MARCHF6: variants seen among roughly 807,000 people sequenced by gnomAD.
MARCHF6 encodes membrane associated ring-CH-type finger 6.
In MARCHF6, 31 loss-of-function variants were observed where a neutral mutation model predicts 133.7. The observed-to-expected ratio is 0.23, with a 90% confidence interval of 0.17 to 0.31. MARCHF6 has a LOEUF of 0.31. Among genes scored for constraint, MARCHF6 ranks in the 10% least tolerant of loss-of-function variants. MARCHF6 has a pLI of 1.00. For missense variants in MARCHF6, 723 were observed against 1,121.6 expected, an observed-to-expected ratio of 0.64 and a Z score of 5.08; for synonymous variants, 395 against 402.5, an observed-to-expected ratio of 0.98 and a Z score of 0.22.
chr5:10,408,702 C>T (rs1310437991), intron 17 of MARCHF6, among the ~76,000 whole-genome samples: 1 of 152,144 alleles, frequency 6.6e-6, no homozygotes, highest in East Asian at 1.9e-4. Flanking sequence ...CCACACCTGC[C>T]TAATTTTTGT....
intron 1 of MARCHF6, among the ~76,000 whole-genome samples, chr5:10,362,073 T>G (rs184759759): frequency 4.0e-4 from 61 of 152,276 alleles, no homozygotes; most frequent in African/African-American, 1.4e-3. Context: ...GTAATACACT[T>G]TTTACTTTCC....
intron 24 of MARCHF6, among the ~76,000 whole-genome samples, chr5:10,429,369 A>C (rs1186598165): frequency 6.6e-6 from 1 of 151,044 alleles, no homozygotes; most frequent in African/African-American, 2.4e-5. Flanking sequence ...TGCTTGTGGA[A>C]CATGAGAAGT....
intron 7 of MARCHF6, 105 bp downstream of exon 7, chr5:10,391,836 CTATTTCTAACT>C (rs1386965012): frequency 8.8e-7 from 1 of 1,140,780 alleles, no homozygotes; most frequent in Non-Finnish European, 1.1e-6. Flanking sequence ...TTGTGAAGTT[CTATTTCTAACT>C]TATTTTTACT....
intron 4 of MARCHF6, 110 bp downstream of exon 4, chr5:10,382,053 G>A: frequency 8.9e-7 from 1 of 1,118,398 alleles, no homozygotes; most frequent in East Asian, 2.5e-5. Context: ...GTTATTTGAT[G>A]TCAGAGTGTC....
At chr5:10,359,811 C>T (rs1031842650) in intron 1 of MARCHF6, among the ~76,000 whole-genome samples, 3 of 152,060 alleles carry the variant, frequency 2.0e-5, no homozygotes, top group African/African-American at 7.2e-5. Flanking sequence ...TCGAGACCAG[C>T]CTGGACAACA....
intron 1 of MARCHF6, among the ~76,000 whole-genome samples, chr5:10,376,815 C>T (rs1736811665): frequency 6.6e-6 from 1 of 152,164 alleles, no homozygotes; most frequent in African/African-American, 2.4e-5. Flanking sequence ...ATGTCAGAGA[C>T]CCGTTAAGTG....
At chr5:10,432,792 C>CAT (rs1215855471) in intron 25 of MARCHF6, among the ~76,000 whole-genome samples, 1 of 152,178 alleles carries the variant, frequency 6.6e-6, no homozygotes, top group East Asian at 1.9e-4. Context: ...CACTCATACT[C>CAT]ACTCACTGCA....
intron 22 of MARCHF6, among the ~76,000 whole-genome samples, chr5:10,420,413 G>T (rs1739766331): frequency 6.7e-6 from 1 of 149,356 alleles, no homozygotes; most frequent in South Asian, 2.1e-4. Flanking sequence ...TTACTTTATG[G>T]CTCAAAGGGA....
intron 9 of MARCHF6, among the ~76,000 whole-genome samples, chr5:10,396,065 A>G (rs1287126552): frequency 3.9e-5 from 6 of 152,178 alleles, no homozygotes; most frequent in African/African-American, 1.4e-4. Context: ...TTATTGGAAA[A>G]ACCTTCGACA....
intron 16 of MARCHF6, 95 bp downstream of exon 16, chr5:10,405,772 A>G: frequency 9.1e-7 from 1 of 1,100,344 alleles, no homozygotes. Context: ...AAGCAGGCTG[A>G]TAGAGTATAT....
At position 10,419,245 on chromosome 5, in the gene MARCHF6, T is replaced by A. The variant is rs557237706; in HGVS notation, c.2283+1841T>A. ...CAGCTATTCTGTTTTTCACTTTCAG[T>A]ATAGTATTCAGTAAATTGCATGAGA... On this transcript the variant is annotated intron_variant, in intron 22 of 25. Coordinates refer to ENST00000274140, the MANE Select transcript of MARCHF6 (RefSeq NM_005885.4). Among the ~76,000 whole-genome samples, 4 of 152,354 alleles carry A rather than the reference T, an allele frequency of 2.6e-5. No homozygotes were observed. In the East Asian group the frequency reaches 7.7e-4, roughly 29 times the overall value.
chr5:10,411,571 G>A (rs1739233466), intron 19 of MARCHF6, 34 bp downstream of exon 19: 1 of 1,527,176 alleles, frequency 6.5e-7, no homozygotes, highest in South Asian at 1.2e-5. Context: ...ACATATAGAG[G>A]TTTTTTTGGT....
At position 10,355,855 on chromosome 5, in the gene MARCHF6, A is replaced by G. The variant is rs968764882; in HGVS notation, c.19+1938A>G. 1.4e-4 allele frequency among the ~76,000 whole-genome samples: 22 copies of G among 152,324 alleles called. 1 individual carries two copies. The South Asian group carries it at 4.3e-3, about 30-fold the overall frequency. On this transcript the variant is annotated intron_variant, in intron 1 of 25. Transcript: ENST00000274140. Reference sequence around the variant, plus strand: ...CGCACTTAAATTAGATTATTTATTTATGAGTGTATACTACAAGTCCAATGT... The same window carrying G: ...CGCACTTAAATTAGATTATTTATTTGTGAGTGTATACTACAAGTCCAATGT...
At chr5:10,398,839 T>G (rs958016629) in intron 10 of MARCHF6, among the ~76,000 whole-genome samples, 1 of 152,260 alleles carries the variant, frequency 6.6e-6, no homozygotes, top group South Asian at 2.1e-4. Flanking sequence ...TGGAATCTTT[T>G]GAAATGAAAC....
At chr5:10,382,671 A>G (rs888534106) in intron 4 of MARCHF6, among the ~76,000 whole-genome samples, 15 of 152,220 alleles carry the variant, frequency 9.9e-5, no homozygotes, top group African/African-American at 3.6e-4. Context: ...TACTGAAAAT[A>G]CAAAAATTAG....
chr5:10,433,986 C>G lies in MARCHF6; in HGVS notation c.*302C>G, dbSNP rs1579629245. On this transcript the variant is annotated 3_prime_UTR_variant, in exon 26 of 26. Coordinates refer to ENST00000274140, the MANE Select transcript of MARCHF6 (RefSeq NM_005885.4). ...CAAAATGTATATTAATTTATTAAAT[C>G]TAGTTGTCACTTTATTTTGGACCTG... is the stretch of plus-strand genomic sequence containing the variant. The G allele has an allele frequency of 3.4e-6, 1 of 295,656 alleles. No individual in the cohort carries two copies. The highest frequency in any genetic ancestry group is 3.7e-5 in the South Asian group (1 of 27,114). The allele number at this position is 295,656 out of a possible 1,614,324, so 18.3% of individuals were successfully genotyped here.
chr5:10,410,308 C>A lies in MARCHF6; in HGVS notation c.1691+32C>A. On this transcript the variant is annotated intron_variant, in intron 18 of 25. Transcript: ENST00000274140. ...ATGGGCAGCTGACTCCTTGGACATG[C>A]ATGTCATTTGTGACTATGGAATAAC... 3 of 1,603,892 alleles carry A rather than the reference C, an allele frequency of 1.9e-6. 1 individual carries two copies. The highest frequency in any genetic ancestry group is 2.2e-5 in the South Asian group (2 of 89,976).
rs1218589233 is a variant in MARCHF6, at chr5:10,439,589, C to T, written c.*5905C>T. 6.6e-6 allele frequency: 1 copy of T among 152,184 alleles called. No homozygotes were observed. The highest frequency in any genetic ancestry group is 2.4e-5 in the African/African-American group (1 of 41,444). The allele number at this position is 152,184 out of a possible 1,614,324, so 9.4% of individuals were successfully genotyped here. On this transcript the variant is annotated 3_prime_UTR_variant, in exon 26 of 26. Transcript: ENST00000274140. ...TACATAAAGAAGTCTCAAAACTGAA[C>T]AAGTAAACCCATTGTTTACTTAATC... is the stretch of plus-strand genomic sequence containing the variant.
chr5:10,407,235 A>G, intron 17 of MARCHF6, 33 bp downstream of exon 17: 2 of 1,131,156 alleles, frequency 1.8e-6, no homozygotes, highest in Admixed American at 3.7e-5. Context: ...AGCTTTACTA[A>G]TTTATCTCTA....
Sources: gnomAD v4.1 joint callset for allele counts (sites outside exome capture counted in the v4.1 genomes callset) on GRCh38, gnomAD v4.1.1 for gene constraint, MANE v1.5 for transcripts, NCBI Gene and HGNC (gene_info 2026-07-23, HGNC 2026-07-21) for gene names.